Variants in CCNY observed in about 807,000 individuals in gnomAD.
The protein encoded by CCNY is cyclin-Y.
A neutral mutation model predicts 42.8 loss-of-function variants in CCNY; 19 were observed. That is an observed-to-expected ratio of 0.44 (90% CI 0.31 to 0.65). The LOEUF is 0.65. Among genes scored for constraint, CCNY ranks in the 30% least tolerant of loss-of-function variants. CCNY has a pLI of 0.07. For missense variants in CCNY, 370 were observed against 437.3 expected, an observed-to-expected ratio of 0.85 and a Z score of 1.37; for synonymous variants, 165 against 162.7, an observed-to-expected ratio of 1.01 and a Z score of -0.11.
chr10:35,447,869 C>T (rs1838826752), intron 1 of CCNY, among the ~76,000 whole-genome samples: 1 of 152,170 alleles, frequency 6.6e-6, no homozygotes, highest in Non-Finnish European at 1.5e-5. Flanking sequence ...GCATAACAGG[C>T]AGGAAAACAA....
intron 2 of CCNY, among the ~76,000 whole-genome samples, chr10:35,497,726 CAAAAAAAAAA>C (rs34502756): frequency 4.1e-5 from 3 of 73,588 alleles, no homozygotes; most frequent in African/African-American, 1.5e-4. Flanking sequence ...GACTCCGTCT[CAAAAAAAAAA>C]AAAAAAAAAA....
chr10:35,292,781 G>GTTTT (rs71033391), intron 3 of CCNY, among the ~76,000 whole-genome samples: 71 of 108,762 alleles, frequency 6.5e-4, no homozygotes, highest in Non-Finnish European at 7.4e-4. Flanking sequence ...CTTTGTTTTT[G>GTTTT]TTTTTTTTTT....
intron 8 of CCNY, among the ~76,000 whole-genome samples, chr10:35,556,931 G>A (rs935528993): frequency 1.3e-5 from 2 of 150,306 alleles, no homozygotes; most frequent in Non-Finnish European, 1.5e-5. Context: ...CTGCAACTTC[G>A]CTTCCCGGGT....
At chr10:35,308,234 A>C (rs781075517) in intron 3 of CCNY, among the ~76,000 whole-genome samples, 1 of 151,980 alleles carries the variant, frequency 6.6e-6, no homozygotes, top group Non-Finnish European at 1.5e-5. Context: ...AGATTGCCTG[A>C]TGGCAGAGCA....
At chr10:35,335,701 A>G (rs1429596158), upstream of CCNY, among the ~76,000 whole-genome samples, 23 of 151,366 alleles carry the variant, frequency 1.5e-4, no homozygotes, top group Non-Finnish European at 1.5e-5. Flanking sequence ...AAAAGTTAAC[A>G]CACACACACA....
chr10:35,499,673 C>T (rs187432665), intron 2 of CCNY, among the ~76,000 whole-genome samples: 13 of 152,260 alleles, frequency 8.5e-5, no homozygotes, highest in African/African-American at 3.1e-4. Context: ...TTGAGGTGAC[C>T]TTAGTATGGG....
At chr10:35,452,217 G>C (rs1838933536) in intron 1 of CCNY, among the ~76,000 whole-genome samples, 1 of 152,186 alleles carries the variant, frequency 6.6e-6, no homozygotes, top group Admixed American at 6.5e-5. Context: ...GATGTCTTCA[G>C]ACAGTAGTTT....
chr10:35,387,800 A>G (rs1282196779), intron 1 of CCNY, among the ~76,000 whole-genome samples: 1 of 152,212 alleles, frequency 6.6e-6, no homozygotes, highest in African/African-American at 2.4e-5. Flanking sequence ...CACTGCCAAG[A>G]TCCACGTAAG....
intron 7 of CCNY, among the ~76,000 whole-genome samples, chr10:35,542,882 A>G (rs1178263535): frequency 1.3e-5 from 2 of 152,258 alleles, no homozygotes; most frequent in Admixed American, 6.5e-5. Context: ...CTGGCAAATA[A>G]TAAGTGGTGG....
intron 9 of CCNY, among the ~76,000 whole-genome samples, chr10:35,568,133 C>T (rs1325755127): frequency 6.6e-6 from 1 of 152,190 alleles, no homozygotes. Context: ...GTCTTGTGTT[C>T]TCTGCTGAAG....
chr10:35,327,854 T>C (rs1165001515), intron 3 of CCNY: 1 of 152,248 alleles, frequency 6.6e-6, no homozygotes, highest in African/African-American at 2.4e-5. Context: ...AGGCCCTCCA[T>C]GGTGGCTCCT....
chr10:35,296,223 T>C (rs1486210946), intron 3 of CCNY, among the ~76,000 whole-genome samples: 2 of 151,982 alleles, frequency 1.3e-5, no homozygotes, highest in Non-Finnish European at 2.9e-5. Flanking sequence ...ATACAAAAGG[T>C]CAATGAACCC....
intron 1 of CCNY, among the ~76,000 whole-genome samples, chr10:35,476,564 A>G (rs1295612462): frequency 6.6e-6 from 1 of 151,942 alleles, no homozygotes; most frequent in African/African-American, 2.4e-5. Context: ...GAAGGCAGAA[A>G]TAAAGATGTT....
At chr10:35,559,884 G>A (rs530026135) in intron 8 of CCNY, among the ~76,000 whole-genome samples, 1 of 152,344 alleles carries the variant, frequency 6.6e-6, no homozygotes, top group South Asian at 2.1e-4. Flanking sequence ...CCTACCTGGG[G>A]GTGGGTGATG....
intron 1 of CCNY, among the ~76,000 whole-genome samples, chr10:35,347,817 A>G (rs945692530): frequency 8.5e-5 from 13 of 152,202 alleles, no homozygotes; most frequent in Admixed American, 6.5e-5. Context: ...GTGCAATGAT[A>G]ATAATCCTTT....
chr10:35,445,915 A>G (rs1328110073), intron 1 of CCNY, among the ~76,000 whole-genome samples: 3 of 152,020 alleles, frequency 2.0e-5, no homozygotes, highest in Admixed American at 2.0e-4. Context: ...ACCATTTGAG[A>G]GTAAGTTGCA....
intron 1 of CCNY, among the ~76,000 whole-genome samples, chr10:35,418,909 C>T (rs1044006043): frequency 1.3e-5 from 2 of 152,046 alleles, no homozygotes; most frequent in African/African-American, 2.4e-5. Flanking sequence ...CAACCTCCGC[C>T]TCCTGGGTTC....
intron 8 of CCNY, among the ~76,000 whole-genome samples, chr10:35,556,178 T>G (rs1364101461): frequency 1.3e-5 from 2 of 152,224 alleles, no homozygotes; most frequent in Non-Finnish European, 1.5e-5. Flanking sequence ...CACATGCCTG[T>G]AGCTGGGCAA....
intron 1 of CCNY, among the ~76,000 whole-genome samples, chr10:35,391,639 T>G (rs1024412459): frequency 3.3e-5 from 5 of 152,198 alleles, no homozygotes; most frequent in Non-Finnish European, 7.4e-5. Flanking sequence ...ATATTTAACA[T>G]TACCCTAGTT....
Sources: gnomAD v4.1 joint callset for allele counts (sites outside exome capture counted in the v4.1 genomes callset) on GRCh38, gnomAD v4.1.1 for gene constraint, MANE v1.5 for transcripts, NCBI Gene and HGNC (gene_info 2026-07-23, HGNC 2026-07-21) for gene names.